Variants in WDR27 observed in about 807,000 individuals in gnomAD.
The protein encoded by WDR27 is WD repeat-containing protein 27.
WDR27 carries 100 observed loss-of-function variants against 114.4 expected under a neutral mutation model. The observed-to-expected ratio is 0.87, with a 90% confidence interval of 0.74 to 1.03. WDR27 has a LOEUF of 1.03. WDR27 is among the 50% of genes least tolerant of loss of function. The probability of loss-of-function intolerance (pLI) is 0.00; values close to 1 mark genes in which losing one functional copy is unlikely to be tolerated. For missense variants in WDR27, 1,129 were observed against 1,092.9 expected (o/e 1.03, Z -0.47); for synonymous variants, 449 against 423.1 (o/e 1.06, Z -0.75).
At chr6:169,533,560 C>T (rs980602341) in intron 25 of WDR27, among the ~76,000 whole-genome samples, 24 of 152,160 alleles carry the variant, frequency 1.6e-4, no homozygotes, top group African/African-American at 5.8e-4. Context: ...GTCATCTATT[C>T]CCTGTGCTCA....
rs2128286867 is a variant in WDR27, at chr6:169,667,149, T to C, written c.699A>G (p.Ser233=). 5 of 1,527,964 alleles carry C rather than the reference T, an allele frequency of 3.3e-6. No individual in the cohort carries two copies. The East Asian group carries it at 1.2e-4, about 37-fold the overall frequency. The allele number at this position is 1,527,964 out of a possible 1,614,324, so 94.7% of individuals were successfully genotyped here. Residue 233 remains serine (S), a synonymous_variant, in exon 6 of 26, where the codon TCA becomes TCG. Coordinates refer to ENST00000448612, the MANE Select transcript of WDR27 (RefSeq NM_182552.5). Reference sequence around the variant, plus strand: ...TTTTAAATTTACCTGATAACACAGATGAACTGTATATTAATGATCCTGTAC... The same window carrying C: ...TTTTAAATTTACCTGATAACACAGACGAACTGTATATTAATGATCCTGTAC... ...DHCTGSLIYS[S]SVLSAYPLLS...
intron 19 of WDR27, among the ~76,000 whole-genome samples, chr6:169,635,584 G>A (rs567243939): frequency 3.9e-5 from 6 of 152,190 alleles, no homozygotes; most frequent in South Asian, 2.1e-4. Flanking sequence ...GGGTGAGATC[G>A]GGGATTCCTT....
At position 169,666,274 on chromosome 6, in the gene WDR27, T is replaced by G. The variant is rs960073062; in HGVS notation, c.713-718A>C. The stretch of plus-strand genomic sequence containing the variant: ...TTCACCCTGATAGAAAGCAATGTTT[T>G]TAAGTCATTACAGCACCATAGTCCA... On this transcript the variant is annotated intron_variant, in intron 6 of 25. Coordinates refer to ENST00000448612, the MANE Select transcript of WDR27 (RefSeq NM_182552.5). The G allele has an allele frequency of 6.8e-6, 4 of 590,678 alleles. No homozygotes were observed. The African/African-American group carries it at 8.2e-5, about 12-fold the overall frequency. 36.6% of individuals were successfully genotyped at this position (590,678 alleles called of 1,614,324 possible).
intron 2 of WDR27, among the ~76,000 whole-genome samples, chr6:169,686,126 T>C (rs539392731): frequency 3.3e-5 from 5 of 152,256 alleles, no homozygotes; most frequent in African/African-American, 1.2e-4. Context: ...AAGGACAAAT[T>C]AAATCTTCAG....
At chr6:169,545,567 A>G (rs1292333768) in intron 25 of WDR27, among the ~76,000 whole-genome samples, 1 of 152,034 alleles carries the variant, frequency 6.6e-6, no homozygotes, top group Non-Finnish European at 1.5e-5. Context: ...AGTCCCAGCT[A>G]CTCAGGAGGC....
At chr6:169,529,889 G>A (rs1795385020) in intron 25 of WDR27, among the ~76,000 whole-genome samples, 1 of 151,988 alleles carries the variant, frequency 6.6e-6, no homozygotes, top group Non-Finnish European at 1.5e-5. Flanking sequence ...AACTTCAATA[G>A]CACTGTGCCA....
At chr6:169,580,117 T>C (rs1049074701) in intron 24 of WDR27, among the ~76,000 whole-genome samples, 1 of 152,244 alleles carries the variant, frequency 6.6e-6, no homozygotes, top group East Asian at 1.9e-4. Context: ...ACTTCCAATA[T>C]TTGACCACAC....
chr6:169,578,174 G>T (rs1265440605), intron 24 of WDR27, among the ~76,000 whole-genome samples: 1 of 152,216 alleles, frequency 6.6e-6, no homozygotes, highest in African/African-American at 2.4e-5. Flanking sequence ...AAGCTGTAAG[G>T]CGCTCTCCAA....
chr6:169,652,980 T>C (rs538416642), intron 13 of WDR27, among the ~76,000 whole-genome samples: 7 of 152,294 alleles, frequency 4.6e-5, no homozygotes, highest in Admixed American at 6.5e-5. Context: ...AACAAACATG[T>C]TAAGTTTTAA....
chr6:169,663,745 C>T, intron 8 of WDR27: 1 of 179,580 alleles, frequency 5.6e-6, no homozygotes, highest in Non-Finnish European at 1.2e-5. Flanking sequence ...TGTGAGGGTG[C>T]TGGGCAGGTG....
intron 25 of WDR27, among the ~76,000 whole-genome samples, chr6:169,539,514 T>C (rs1266192792): frequency 6.6e-6 from 1 of 152,078 alleles, no homozygotes; most frequent in Non-Finnish European, 1.5e-5. Context: ...CATCCCTTAC[T>C]TAAAAAAAAC....
chr6:169,566,995 C>T (rs980351963), intron 25 of WDR27, among the ~76,000 whole-genome samples: 1 of 152,188 alleles, frequency 6.6e-6, no homozygotes, highest in Non-Finnish European at 1.5e-5. Context: ...CATAGAGACA[C>T]CTCAAGTGCT....
chr6:169,667,991 T>A lies in WDR27; in HGVS notation c.651A>T (p.Arg217Ser). 6.2e-7 allele frequency: 1 copy of A among 1,613,164 alleles called. No individual in the cohort carries two copies. The highest frequency in any genetic ancestry group is 8.5e-7 in the Non-Finnish European group (1 of 1,179,646). The change falls in exon 5 of 26, where the codon AGA (arginine) becomes AGT (serine). Residue 217 changes from arginine (R) to serine (S), a missense_variant. Coordinates refer to ENST00000448612, the MANE Select transcript of WDR27 (RefSeq NM_182552.5). ...AGCGTCCATCCCTCACCTTAAAGCC[T>A]CTGTCCTCAGACGCCGAGATGAGGG... is the stretch of plus-strand genomic sequence containing the variant. ...AGTLISASEDRGFKVWDHCTG... is the reference protein window; with the variant it reads ...AGTLISASEDSGFKVWDHCTG...
At chr6:169,665,830 C>A (rs1159420879) in intron 6 of WDR27, among the ~76,000 whole-genome samples, 1 of 152,228 alleles carries the variant, frequency 6.6e-6, no homozygotes, top group African/African-American at 2.4e-5. Context: ...CGAGGAATCC[C>A]ATCCCACCTC....
chr6:169,590,154 A>G (rs9478067), intron 23 of WDR27, among the ~76,000 whole-genome samples: 73,957 of 152,138 alleles, frequency 0.49, 21,634 homozygotes, highest in Non-Finnish European at 0.67. Flanking sequence ...GTTGAGCCAC[A>G]TCTGTGAGAA....
intron 5 of WDR27, chr6:169,667,451 A>G: frequency 1.1e-6 from 1 of 939,406 alleles, no homozygotes; most frequent in Non-Finnish European, 1.3e-6. Context: ...ACAAGGTGAA[A>G]AACAGTTCCC....
At chr6:169,655,987 G>C (rs34319658) in intron 13 of WDR27, among the ~76,000 whole-genome samples, 6,805 of 152,242 alleles carry the variant, frequency 0.045, 188 homozygotes, top group Non-Finnish European at 0.069. Context: ...CTCCCAAAGT[G>C]CTGCGATTAC....
intron 24 of WDR27, among the ~76,000 whole-genome samples, chr6:169,581,903 A>C (rs1474927270): frequency 6.6e-6 from 1 of 152,246 alleles, no homozygotes; most frequent in Non-Finnish European, 1.5e-5. Context: ...TATTCTCTGA[A>C]TCAAAGTCTC....
chr6:169,640,650 G>T (rs1818914619), intron 17 of WDR27, among the ~76,000 whole-genome samples: 1 of 152,238 alleles, frequency 6.6e-6, no homozygotes, highest in Non-Finnish European at 1.5e-5. Context: ...AATATCGCAG[G>T]TTCACAGACA....
Sources: allele counts gnomAD v4.1 joint callset (sites outside exome capture counted in the v4.1 genomes callset), GRCh38; gene constraint gnomAD v4.1.1; transcripts MANE v1.5; gene names NCBI Gene and HGNC (gene_info 2026-07-23, HGNC 2026-07-21).